The following CIZ1 variants were observed in gnomAD, a reference collection of about 807,000 sequenced individuals.
CIZ1 encodes CDKN1A interacting zinc finger protein 1, also known as cip1-interacting zinc finger protein.
In CIZ1, 58 loss-of-function variants were observed where a neutral mutation model predicts 118.6. The ratio of observed to expected loss-of-function variants is 0.49; its 90% CI spans 0.40 to 0.61. CIZ1 has a LOEUF of 0.61. Ranked by LOEUF, CIZ1 falls within the 20% of genes least tolerant of loss-of-function variation. The pLI, the probability that CIZ1 is intolerant of heterozygous loss-of-function variation, is 0.00. For synonymous variants in CIZ1, 448 were observed against 443.4 expected, an observed-to-expected ratio of 1.01 and a Z score of -0.13; for missense variants, 921 against 1,115.9, an observed-to-expected ratio of 0.83 and a Z score of 2.49.
At chr9:128,167,231 G>A in intron 14 of CIZ1, 67 bp from the exon 15 acceptor site, 1 of 1,263,168 alleles carries the variant, frequency 7.9e-7, no homozygotes, top group Admixed American at 2.7e-5. Context: ...ACAGGTCGGG[G>A]GCCTAGAGAC....
At chr9:128,191,678 G>A (rs978769400), upstream of CIZ1, 70 of 1,282,418 alleles carry the variant, frequency 5.5e-5, no homozygotes, top group African/African-American at 4.0e-4. This position sits in a 1 kb window ranked among gnomAD's most constrained non-coding sequence, Gnocchi z 5.5. Flanking sequence ...AAGTCACGCT[G>A]GGGGGCGGCT....
At position 128,166,993 on chromosome 9, in the gene CIZ1, G is replaced by C. The variant is rs1829513286; in HGVS notation, c.2365+102C>G. 4 of 1,596,678 alleles carry C rather than the reference G, an allele frequency of 2.5e-6. No individual in the cohort carries two copies. Among genetic ancestry groups the C allele is most frequent in the Admixed American group, 1.7e-5 (1 of 57,338 alleles). ...CCTCTAGGCAGGGGCAGAAGAGAAG[G>C]CTTCCCAGCCAGAATGCCATGGCTG... On this transcript the variant is annotated intron_variant, in intron 15 of 16. Transcript: ENST00000372938. This position sits in a 1 kb window ranked among gnomAD's most constrained non-coding sequence, Gnocchi z 4.4.
At chr9:128,201,161 GGGA>G (rs1460009537) in intron 1 of CIZ1, among the ~76,000 whole-genome samples, 3 of 151,416 alleles carry the variant, frequency 2.0e-5, no homozygotes, top group Non-Finnish European at 4.4e-5. Flanking sequence ...CCAGCTACTT[GGGA>G]GGCTGAGGCA....
chr9:128,172,616 C>T (rs1830287499), intron 11 of CIZ1, among the ~76,000 whole-genome samples: 1 of 152,198 alleles, frequency 6.6e-6, no homozygotes, highest in Admixed American at 6.5e-5. Context: ...TGTAAGAGCT[C>T]TGCTGGGGAG....
At chr9:128,168,503 G>C (rs541066126) in intron 14 of CIZ1, among the ~76,000 whole-genome samples, 31 of 146,046 alleles carry the variant, frequency 2.1e-4, no homozygotes, top group African/African-American at 7.7e-4. Context: ...GCGACAGAGC[G>C]AGACTCCGTC....
chr9:128,198,452 G>A (rs1043922900), intron 1 of CIZ1: 8 of 152,260 alleles, frequency 5.3e-5, no homozygotes, highest in African/African-American at 1.9e-4. Context: ...CTTGACCCCG[G>A]AGCTGTGTAA....
intron 14 of CIZ1, 186 bp from the exon 15 acceptor site, chr9:128,167,350 A>G: frequency 5.1e-6 from 3 of 582,992 alleles, no homozygotes; most frequent in Middle Eastern, 2.6e-4. Context: ...GCTCTTCCCA[A>G]TCTATACTTT....
intron 9 of CIZ1, among the ~76,000 whole-genome samples, chr9:128,178,089 C>T (rs902936331): frequency 3.3e-5 from 5 of 152,130 alleles, no homozygotes; most frequent in Admixed American, 3.3e-4. Flanking sequence ...GCTCTCTCCA[C>T]GAGAGCAACA....
chr9:128,201,333 C>T (rs1833509023), intron 1 of CIZ1, among the ~76,000 whole-genome samples: 1 of 151,862 alleles, frequency 6.6e-6, no homozygotes, highest in Admixed American at 6.6e-5. Context: ...GCCTGTAGTC[C>T]CAGCTACTCG....
chr9:128,168,110 G>A (rs1255253265), intron 14 of CIZ1, among the ~76,000 whole-genome samples: 1 of 152,184 alleles, frequency 6.6e-6, no homozygotes, highest in Non-Finnish European at 1.5e-5. Context: ...CACCACCCTG[G>A]ACTATAACTG....
In CIZ1 at chr9:128,190,395, T is replaced by G; in HGVS notation, c.220A>C (p.Thr74Pro). The change falls in exon 3 of 17, where the codon ACC becomes CCC. Residue 74 changes from threonine (T) to proline (P), a missense_variant. Coordinates refer to ENST00000372938, the MANE Select transcript of CIZ1 (RefSeq NM_001131016.2). Reference protein sequence around the residue: ...PQQPLLNLQGTNSASLLNGSM... With the variant: ...PQQPLLNLQGPNSASLLNGSM... ...CCGTTGAGGAGGGAGGCTGAGTTGG[T>G]GCCCTGGAGATTCAGAAGCGGCTGC... is the stretch of plus-strand genomic sequence containing the variant. 1 of 1,613,994 alleles carries G rather than the reference T, an allele frequency of 6.2e-7. No individual in the cohort carries two copies.
At position 128,179,256 on chromosome 9, in the gene CIZ1, C is replaced by T. The variant is rs1299641799; in HGVS notation, c.951G>A (p.Gln317=). ...VLPRFQPRVL[Q]VQAQVQSQTQ... is the part of the protein sequence containing the mutation. The stretch of plus-strand genomic sequence containing the variant: ...TCTGTGACTGCACCTGGGCCTGGAC[C>T]TGCAGGACCCGTGGCTGGAATCGTG... Residue 317 remains glutamine (Q), a synonymous_variant, in exon 8 of 17, where the codon CAG becomes CAA. Transcript: ENST00000372938. 6.2e-7 allele frequency: 1 copy of T among 1,614,172 alleles called. No homozygotes were observed. The highest frequency in any genetic ancestry group is 1.1e-5 in the South Asian group (1 of 91,090).
At chr9:128,195,443 G>A (rs1280052981), upstream of CIZ1, among the ~76,000 whole-genome samples, 1 of 152,036 alleles carries the variant, frequency 6.6e-6, no homozygotes, top group East Asian at 1.9e-4. Flanking sequence ...TCAGCATCCT[G>A]AGTAGCTGAG....
intron 5 of CIZ1, among the ~76,000 whole-genome samples, chr9:128,181,459 G>C (rs1258266484): frequency 1.3e-5 from 2 of 152,230 alleles, no homozygotes; most frequent in Non-Finnish European, 2.9e-5. Flanking sequence ...TTATATATGA[G>C]TATCATTAAT....
At chr9:128,198,323 C>T (rs923057394) in intron 1 of CIZ1, 2 of 152,208 alleles carry the variant, frequency 1.3e-5, no homozygotes, top group African/African-American at 2.4e-5. Flanking sequence ...CTTCATCCTC[C>T]TCTGTCTTGC....
Position 128,185,530 on chromosome 9 carries a change from C to CAA in CIZ1, c.588+16_588+17insTT. 3 of 1,032,748 alleles carry CAA rather than the reference C, an allele frequency of 2.9e-6. No individual in the cohort carries two copies. The highest frequency in any genetic ancestry group is 4.1e-6 in the Non-Finnish European group (3 of 731,226). 64.0% of individuals were successfully genotyped at this position (1,032,748 alleles called of 1,614,324 possible). A position where few individuals can be genotyped will look rare whatever the true frequency, so the allele number is the denominator to read the frequency against. On this transcript the variant is annotated intron_variant, in intron 5 of 16. Transcript: ENST00000372938. ...AGGGTCCCCTCCCGCCCACTCCCAT[C>CAA]CCCACCTACCACTCACCTTTCGATT...
chr9:128,183,555 G>A (rs566656558), intron 5 of CIZ1, among the ~76,000 whole-genome samples: 20 of 152,340 alleles, frequency 1.3e-4, no homozygotes, highest in South Asian at 4.1e-4. Context: ...CAGGAGCTGC[G>A]GAGACCTTCA....
At chr9:128,170,142 C>T (rs373129497) in intron 11 of CIZ1, 35 bp from the exon 12 acceptor site, 31 of 1,578,878 alleles carry the variant, frequency 2.0e-5, no homozygotes, top group Middle Eastern at 1.7e-4. Flanking sequence ...TACAATGTGA[C>T]GCCAGAAAGA....
chr9:128,202,190 C>T (rs982028398), intron 1 of CIZ1, among the ~76,000 whole-genome samples: 1 of 152,224 alleles, frequency 6.6e-6, no homozygotes, highest in African/African-American at 2.4e-5. Context: ...CTCCAATTCA[C>T]AGACCACTTT....
Sources: allele counts gnomAD v4.1 joint callset (sites outside exome capture counted in the v4.1 genomes callset), GRCh38; gene constraint gnomAD v4.1.1; non-coding constraint Gnocchi (gnomAD v3.1); transcripts MANE v1.5; gene names NCBI Gene and HGNC (gene_info 2026-07-23, HGNC 2026-07-21).